Variants in HORMAD2 observed in about 807,000 individuals in gnomAD.
The protein encoded by HORMAD2 is HORMA domain-containing protein 2.
Under a neutral mutation model 38.8 loss-of-function variants are expected in HORMAD2, and 45 were observed. The ratio of observed to expected loss-of-function variants is 1.16; its 90% CI spans 0.91 to 1.49. HORMAD2 has a LOEUF of 1.49. HORMAD2 is among the 40% of genes most tolerant of loss of function. HORMAD2 has a pLI of 0.00. For synonymous variants in HORMAD2, 126 were observed against 122.8 expected (o/e 1.03, Z -0.17); for missense variants, 338 against 367.0 (o/e 0.92, Z 0.65).
upstream of HORMAD2, among the ~76,000 whole-genome samples, chr22:30,078,917 T>C (rs1371440370): frequency 1.3e-5 from 2 of 150,842 alleles, no homozygotes; most frequent in African/African-American, 2.4e-5. Flanking sequence ...CCGGAAAGTA[T>C]AGGGTGAACG....
intron 2 of HORMAD2, among the ~76,000 whole-genome samples, chr22:30,098,416 T>A (rs181255836): frequency 3.9e-5 from 6 of 152,186 alleles, no homozygotes; most frequent in Admixed American, 3.9e-4. Flanking sequence ...AGTATGTGGG[T>A]AACAGTGTCA....
intron 10 of HORMAD2, among the ~76,000 whole-genome samples, chr22:30,132,995 AAGAC>A (rs1194386647): frequency 6.6e-6 from 1 of 152,230 alleles, no homozygotes; most frequent in African/African-American, 2.4e-5. Context: ...AAAAAAGAGT[AAGAC>A]AGAATATTCT....
chr22:30,151,252 CT>C (rs1924730072), intron 10 of HORMAD2, among the ~76,000 whole-genome samples: 1 of 152,016 alleles, frequency 6.6e-6, no homozygotes, highest in Non-Finnish European at 1.5e-5. Flanking sequence ...GCATTTCTGC[CT>C]TTTAAAGAAA....
intron 2 of HORMAD2, among the ~76,000 whole-genome samples, chr22:30,097,194 T>C (rs555588931): frequency 6.6e-6 from 1 of 152,328 alleles, no homozygotes; most frequent in African/African-American, 2.4e-5. Context: ...ACATTGTGTA[T>C]ACAATAAACA....
chr22:30,091,014 G>A (rs2068672064), intron 1 of HORMAD2, among the ~76,000 whole-genome samples: 1 of 151,974 alleles, frequency 6.6e-6, no homozygotes, highest in East Asian at 1.9e-4. Context: ...GCCCTTCCTA[G>A]CTTTTAATAA....
At position 30,139,273 on chromosome 22, in the gene HORMAD2, T is replaced by G. The variant is rs866680933; in HGVS notation, c.819+17059T>G. Reference sequence around the variant, plus strand: ...ACTGTACTATATATATATATATATATATATATATATATATCCTCTGTCTCT... The same window carrying G: ...ACTGTACTATATATATATATATATAGATATATATATATATCCTCTGTCTCT... On this transcript the variant is annotated intron_variant, in intron 10 of 10. Coordinates refer to ENST00000336726, the MANE Select transcript of HORMAD2 (RefSeq NM_152510.4). 1.4e-3 allele frequency among the ~76,000 whole-genome samples: 201 copies of G among 143,936 alleles called. 3 individuals are homozygous for G. The highest frequency in any genetic ancestry group is 4.8e-3 in the African/African-American group (189 of 39,064). The allele number at this position is 143,936 out of a possible 152,430, so 94.4% of individuals were successfully genotyped here.
At chr22:30,127,594 TG>T (rs1437526153) in intron 10 of HORMAD2, among the ~76,000 whole-genome samples, 1 of 152,220 alleles carries the variant, frequency 6.6e-6, no homozygotes, top group Non-Finnish European at 1.5e-5. Flanking sequence ...CTGCTGGCCT[TG>T]GCCTCCTCAA....
the HORMAD2 span, among the ~76,000 whole-genome samples, chr22:30,190,712 A>C: frequency 6.6e-6 from 1 of 152,204 alleles, no homozygotes; most frequent in Non-Finnish European, 1.5e-5. Flanking sequence ...AAGCCAGCAA[A>C]AGTGTTGAGA....
At chr22:30,092,181 A>AT (rs773194864) in intron 1 of HORMAD2, among the ~76,000 whole-genome samples, 3 of 151,254 alleles carry the variant, frequency 2.0e-5, no homozygotes, top group Non-Finnish European at 2.9e-5. Context: ...TCGCCTGGCC[A>AT]TTTTTTGTCC....
chr22:30,162,111 G>A (rs1202240173), intron 10 of HORMAD2, among the ~76,000 whole-genome samples: 1 of 152,112 alleles, frequency 6.6e-6, no homozygotes, highest in African/African-American at 2.4e-5. Context: ...CCAGCAGTTT[G>A]AGACCAGCGT....
intron 10 of HORMAD2, among the ~76,000 whole-genome samples, chr22:30,154,367 A>G (rs914673292): frequency 2.0e-5 from 3 of 152,200 alleles, no homozygotes; most frequent in African/African-American, 7.2e-5. Flanking sequence ...GCAAGTACAC[A>G]CAAATCATGT....
downstream of HORMAD2, among the ~76,000 whole-genome samples, chr22:30,177,270 AAC>A (rs200963783): frequency 2.8e-4 from 43 of 151,866 alleles, no homozygotes; most frequent in South Asian, 2.7e-3. Context: ...TCCAGATTCT[AAC>A]ACACACACAC....
chr22:30,099,828 A>C (rs1920931057), intron 3 of HORMAD2, among the ~76,000 whole-genome samples: 1 of 152,218 alleles, frequency 6.6e-6, no homozygotes. Context: ...CAGATATTGC[A>C]ATGAGCCAAG....
chr22:30,177,886 C>A (rs1184467502), downstream of HORMAD2, among the ~76,000 whole-genome samples: 1 of 151,794 alleles, frequency 6.6e-6, no homozygotes, highest in Non-Finnish European at 1.5e-5. Flanking sequence ...CGCCATGTTG[C>A]CCAGGCTGGT....
intron 10 of HORMAD2, among the ~76,000 whole-genome samples, chr22:30,135,095 T>C (rs987261139): frequency 3.3e-5 from 5 of 150,292 alleles, no homozygotes; most frequent in African/African-American, 9.8e-5. Context: ...CCAAAACTCA[T>C]ACTCAACCTG....
chr22:30,098,160 C>G (rs1920923477), intron 2 of HORMAD2, among the ~76,000 whole-genome samples: 1 of 152,088 alleles, frequency 6.6e-6, no homozygotes, highest in African/African-American at 2.4e-5. Context: ...AAATATAGAA[C>G]TGGGACTCAG....
At chr22:30,183,123 T>C in the HORMAD2 span, among the ~76,000 whole-genome samples, 1 of 152,008 alleles carries the variant, frequency 6.6e-6, no homozygotes, top group Admixed American at 6.6e-5. Context: ...GAAATGGGAG[T>C]GAGCATGGGT....
At chr22:30,174,426 T>C (rs1380694154) in intron 10 of HORMAD2, among the ~76,000 whole-genome samples, 3 of 152,144 alleles carry the variant, frequency 2.0e-5, no homozygotes, top group African/African-American at 4.8e-5. Flanking sequence ...TTAAGAAGTG[T>C]CCCCTGGCTG....
chr22:30,095,854 T>A (rs1450822585), intron 2 of HORMAD2, among the ~76,000 whole-genome samples: 1 of 152,178 alleles, frequency 6.6e-6, no homozygotes, highest in East Asian at 1.9e-4. Flanking sequence ...AATGAATTTT[T>A]ACGAACTTAA....
Sources: allele counts gnomAD v4.1 joint callset (sites outside exome capture counted in the v4.1 genomes callset), GRCh38; gene constraint gnomAD v4.1.1; transcripts MANE v1.5; gene names NCBI Gene and HGNC (gene_info 2026-07-23, HGNC 2026-07-21).